Variants in PPM1A observed in about 807,000 individuals in gnomAD.
PPM1A encodes the protein protein phosphatase 1A.
A neutral mutation model predicts 35.0 loss-of-function variants in PPM1A; 7 were observed. That is an observed-to-expected ratio of 0.20 (90% CI 0.11 to 0.38). The LOEUF (loss-of-function observed/expected upper bound fraction) is 0.38. Ranked by LOEUF, PPM1A falls within the 10% of genes least tolerant of loss-of-function variation. The pLI, the probability that PPM1A is intolerant of heterozygous loss-of-function variation, is 1.00. For missense variants in PPM1A, 239 were observed against 467.8 expected, an observed-to-expected ratio of 0.51 and a Z score of 4.51; for synonymous variants, 153 against 167.3, an observed-to-expected ratio of 0.91 and a Z score of 0.66.
upstream of PPM1A, among the ~76,000 whole-genome samples, chr14:60,247,522 C>A (rs1811952713): frequency 6.8e-6 from 1 of 146,728 alleles, no homozygotes; most frequent in African/African-American, 2.5e-5. Context: ...CCCAGCTACT[C>A]GGGAGGCTGA....
chr14:60,279,524 G>A (rs949148705), intron 1 of PPM1A, among the ~76,000 whole-genome samples: 5 of 151,986 alleles, frequency 3.3e-5, no homozygotes, highest in Admixed American at 2.0e-4. Flanking sequence ...TTTTTAAAAC[G>A]TTGTTTTGAG....
rs921874481 is a variant in PPM1A, at chr14:60,296,173, A to G, written c.*3691A>G. 4 of 151,734 alleles carry G rather than the reference A, an allele frequency of 2.6e-5. No homozygotes were observed. The allele number at this position is 151,734 out of a possible 1,614,324, so 9.4% of individuals were successfully genotyped here. ...CTCTGTGTTTTTGTAACACACTGCC[A>G]GTGTTAATATCAAATTTTAGCCAAA... On this transcript the variant is annotated 3_prime_UTR_variant, in exon 6 of 6. Coordinates refer to ENST00000395076, the MANE Select transcript of PPM1A (RefSeq NM_021003.5). This position sits in a 1 kb window ranked among gnomAD's most constrained non-coding sequence, Gnocchi z 4.4.
In PPM1A at chr14:60,282,620, ATTGT is replaced by A. The variant is rs1257197894; in HGVS notation, c.-20-60_-20-57del. ...CATATCTCTTTCACTTATTAAAAAG[ATTGT>A]TTGGTACATATTTTGTTTATAAGAC... On this transcript the variant is annotated intron_variant, in intron 1 of 5. Transcript: ENST00000395076. This position sits in a 1 kb window ranked among gnomAD's most constrained non-coding sequence, Gnocchi z 5.1. 30 of 1,535,966 alleles carry A rather than the reference ATTGT, an allele frequency of 2.0e-5. No individual in the cohort carries two copies. Among genetic ancestry groups the A allele is most frequent in the African/African-American group, 4.1e-5 (3 of 72,364 alleles).
intron 2 of PPM1A, among the ~76,000 whole-genome samples, chr14:60,284,024 G>T (rs1345529322): frequency 6.6e-6 from 1 of 152,210 alleles, no homozygotes; most frequent in African/African-American, 2.4e-5. Flanking sequence ...CCTTGTACAT[G>T]GAGTCAGAAG....
chr14:60,270,124 C>G (rs2139439031), intron 1 of PPM1A, among the ~76,000 whole-genome samples: 1 of 152,184 alleles, frequency 6.6e-6, no homozygotes, highest in East Asian at 1.9e-4. Flanking sequence ...TTTCTTTATG[C>G]TTACTTGCAT....
intron 1 of PPM1A, among the ~76,000 whole-genome samples, chr14:60,275,111 A>T (rs79597253): frequency 1.3e-3 from 190 of 145,454 alleles, no homozygotes; most frequent in Non-Finnish European, 2.4e-3. Flanking sequence ...GCAGTTTTAG[A>T]GATTTAGAAA....
chr14:60,248,177 G>C (rs1465012593), upstream of PPM1A, among the ~76,000 whole-genome samples: 1 of 152,176 alleles, frequency 6.6e-6, no homozygotes, highest in Non-Finnish European at 1.5e-5. Context: ...CAAGCAGCGT[G>C]GGTCGGGTTT....
chr14:60,253,567 A>G (rs1384612247), intron 1 of PPM1A, among the ~76,000 whole-genome samples: 4 of 152,240 alleles, frequency 2.6e-5, no homozygotes, highest in African/African-American at 7.2e-5. Flanking sequence ...TACGATTCAT[A>G]GATTCCTAGA....
At chr14:60,285,196 T>A (rs1886861139) in intron 2 of PPM1A, among the ~76,000 whole-genome samples, 1 of 152,234 alleles carries the variant, frequency 6.6e-6, no homozygotes. Context: ...CAGGTACATA[T>A]AACTACAGGT....
intron 5 of PPM1A, among the ~76,000 whole-genome samples, chr14:60,291,945 T>C (rs1478246343): frequency 6.6e-6 from 1 of 152,078 alleles, no homozygotes; most frequent in African/African-American, 2.4e-5. Flanking sequence ...TTTGCATAAA[T>C]AGACATTAGA....
At chr14:60,247,701 A>G (rs1273555028), upstream of PPM1A, among the ~76,000 whole-genome samples, 1 of 151,738 alleles carries the variant, frequency 6.6e-6, no homozygotes, top group African/African-American at 2.4e-5. Flanking sequence ...AGAAAATTAG[A>G]GATGGCTTTT....
At chr14:60,278,550 T>G (rs1418706892) in intron 1 of PPM1A, among the ~76,000 whole-genome samples, 1 of 152,196 alleles carries the variant, frequency 6.6e-6, no homozygotes, top group Admixed American at 6.5e-5. Flanking sequence ...CCTGAAGCCA[T>G]CCTCTTTTCT....
chr14:60,275,645 C>T (rs991076341), intron 1 of PPM1A, among the ~76,000 whole-genome samples: 4 of 151,998 alleles, frequency 2.6e-5, no homozygotes, highest in Non-Finnish European at 4.4e-5. Context: ...CACCACTATG[C>T]CCCGCTAATC....
chr14:60,288,289 C>G, intron 3 of PPM1A: 4 of 961,654 alleles, frequency 4.2e-6, no homozygotes, highest in Non-Finnish European at 4.9e-6. Context: ...ATAGATGATT[C>G]AAGGTAATGT....
chr14:60,268,862 G>A (rs1200627971), intron 1 of PPM1A, among the ~76,000 whole-genome samples: 1 of 150,866 alleles, frequency 6.6e-6, no homozygotes, highest in Non-Finnish European at 1.5e-5. Flanking sequence ...CCACGTTTGA[G>A]GTTTTCTTCT....
At chr14:60,287,598 A>G (rs1406782343) in intron 3 of PPM1A, 3 of 984,858 alleles carry the variant, frequency 3.0e-6, no homozygotes, top group Non-Finnish European at 3.6e-6. Flanking sequence ...CCTTCACTAG[A>G]TTGCTGTGAC....
At chr14:60,264,823 G>C (rs898028907) in intron 1 of PPM1A, among the ~76,000 whole-genome samples, 2 of 151,832 alleles carry the variant, frequency 1.3e-5, no homozygotes, top group African/African-American at 4.8e-5. Flanking sequence ...TATTCAGGCT[G>C]TCTCTCTAAT....
At chr14:60,264,095 C>T (rs1884100350) in intron 1 of PPM1A, among the ~76,000 whole-genome samples, 1 of 152,070 alleles carries the variant, frequency 6.6e-6, no homozygotes, top group Non-Finnish European at 1.5e-5. Context: ...TGCTGAAGTA[C>T]ATCCTTTAGT....
chr14:60,249,513 C>G lies in PPM1A; in HGVS notation c.-185C>G, dbSNP rs1316642317. 198 of 985,072 alleles carry G rather than the reference C, an allele frequency of 2.0e-4. 1 individual carries two copies. In the South Asian group the frequency reaches 7.9e-3, roughly 39 times the overall value. 61.0% of individuals were successfully genotyped at this position (985,072 alleles called of 1,614,324 possible). A position where few individuals can be genotyped will look rare whatever the true frequency, so the allele number is the denominator to read the frequency against. ...CGACAGCCGGGGGCCCGGACGCAGC[C>G]CGGCTCCTCCCCTCCTCCGCCCCTT... On this transcript the variant is annotated 5_prime_UTR_variant, in exon 1 of 6. Transcript: ENST00000395076. This position sits in a 1 kb window ranked among gnomAD's most constrained non-coding sequence, Gnocchi z 4.5.
Sources: gnomAD v4.1 joint callset for allele counts (sites outside exome capture counted in the v4.1 genomes callset) on GRCh38, gnomAD v4.1.1 for gene constraint, Gnocchi (gnomAD v3.1) non-coding constraint, MANE v1.5 for transcripts, NCBI Gene and HGNC (gene_info 2026-07-23, HGNC 2026-07-21) for gene names.